Variants in STAG1 observed in about 807,000 individuals in gnomAD.
The protein encoded by STAG1 is cohesin subunit SA-1.
In STAG1, 26 loss-of-function variants were observed where a neutral mutation model predicts 170.9. The ratio of observed to expected loss-of-function variants is 0.15; its 90% confidence interval spans 0.11 to 0.21. The LOEUF (loss-of-function observed/expected upper bound fraction) is 0.21, where lower values mean the gene tolerates loss of function less well. Ranked by LOEUF, STAG1 falls within the 10% of genes least tolerant of loss-of-function variation. The pLI is 1.00. For synonymous variants in STAG1, 514 were observed against 497.7 expected (o/e 1.03, Z -0.44); for missense variants, 964 against 1,509.5 (o/e 0.64, Z 5.99).
chr3:136,343,948 G>C lies in STAG1; in HGVS notation c.3330C>G (p.Gly1110=). Residue 1110 remains glycine, a synonymous_variant, in exon 30 of 34, where the codon GGC becomes GGG. Transcript: ENST00000383202. ...ATGTGAGTTGTGGTGCTGGCAGGGG[G>C]CCAGGAGTCTGAATCATGGTGTCAG... The part of the protein sequence containing the change: ...NRTDTMIQTP[G]PLPAPQLTST... 1 of 1,612,128 alleles carries C rather than the reference G, an allele frequency of 6.2e-7. No homozygotes were observed. Among genetic ancestry groups the C allele is most frequent in the Non-Finnish European group, 8.5e-7 (1 of 1,179,110 alleles).
chr3:136,700,011 C>T (rs1213297726), intron 1 of STAG1, among the ~76,000 whole-genome samples: 2 of 151,910 alleles, frequency 1.3e-5, no homozygotes, highest in African/African-American at 4.8e-5. Flanking sequence ...ATTCACAGCC[C>T]TCTGTTCTTC....
intron 7 of STAG1, among the ~76,000 whole-genome samples, chr3:136,516,019 AT>A (rs1405902867): frequency 6.6e-6 from 1 of 152,194 alleles, no homozygotes; most frequent in African/African-American, 2.4e-5. Context: ...ATTTTGAAAA[AT>A]GAATATAAAA....
At chr3:136,736,321 G>C (rs1383345631) in intron 1 of STAG1, among the ~76,000 whole-genome samples, 2 of 152,064 alleles carry the variant, frequency 1.3e-5, no homozygotes, top group Non-Finnish European at 2.9e-5. Context: ...ACCAAGCCCC[G>C]CATTTCAATG....
chr3:136,576,574 A>G (rs1490528010), intron 4 of STAG1, among the ~76,000 whole-genome samples: 1 of 152,232 alleles, frequency 6.6e-6, no homozygotes, highest in Admixed American at 6.5e-5. Context: ...CATAAGGAAT[A>G]TGAGGTAGTT....
intron 6 of STAG1, among the ~76,000 whole-genome samples, chr3:136,537,481 CTTTT>C (rs1193167426): frequency 2.1e-5 from 3 of 146,082 alleles, no homozygotes; most frequent in Non-Finnish European, 3.0e-5. Context: ...CTAATAGTGT[CTTTT>C]TTTTGTTTAT....
At chr3:136,528,334 G>A (rs1207316108) in intron 6 of STAG1, among the ~76,000 whole-genome samples, 3 of 152,068 alleles carry the variant, frequency 2.0e-5, no homozygotes, top group African/African-American at 7.2e-5. Context: ...ATCTACTGCT[G>A]TGCTAGCAGT....
intron 1 of STAG1, among the ~76,000 whole-genome samples, chr3:136,659,614 A>G (rs572764947): frequency 3.9e-5 from 6 of 152,376 alleles, no homozygotes; most frequent in Admixed American, 6.5e-5. Context: ...TTAAAGGGCA[A>G]CTACTTCGTA....
Position 136,521,288 on chromosome 3 carries a change from C to T in STAG1, c.601G>A (p.Asp201Asn). The T allele has an allele frequency of 3.7e-6, 6 of 1,613,746 alleles. No individual in the cohort carries two copies. Among genetic ancestry groups the T allele is most frequent in the Non-Finnish European group, 5.1e-6 (6 of 1,179,798 alleles). The change falls in exon 7 of 34, where the codon GAC becomes AAC. Residue 201 changes from aspartate to asparagine, a missense_variant. Around this residue, in one of 11 missense-constraint regions of STAG1, gnomAD observed 40 missense variants for 44.1 expected, o/e 0.91. Coordinates refer to ENST00000383202, the MANE Select transcript of STAG1 (RefSeq NM_005862.3). ...YSIIYDEYMMDTVISLLTGLS... is the reference protein window; with the variant it reads ...YSIIYDEYMMNTVISLLTGLS... ...CCCGTCAAAAGGGAGATTACTGTGTCCATCATATACTCATCATAAATTATG... is the reference window on the plus strand; with the variant it reads ...CCCGTCAAAAGGGAGATTACTGTGTTCATCATATACTCATCATAAATTATG...
chr3:136,438,204 T>C (rs1305858599), intron 15 of STAG1, among the ~76,000 whole-genome samples: 1 of 151,968 alleles, frequency 6.6e-6, no homozygotes, highest in African/African-American at 2.4e-5. Context: ...TTTATGACAA[T>C]TTCCATATCT....
intron 4 of STAG1, among the ~76,000 whole-genome samples, chr3:136,590,184 T>C (rs1938085367): frequency 2.0e-5 from 3 of 151,170 alleles, no homozygotes; most frequent in Admixed American, 2.0e-4. Context: ...AAACACTTCA[T>C]GACTAAAAAC....
intron 6 of STAG1, among the ~76,000 whole-genome samples, chr3:136,540,122 G>A (rs1018413537): frequency 6.6e-6 from 1 of 151,926 alleles, no homozygotes; most frequent in Non-Finnish European, 1.5e-5. Flanking sequence ...AGAAAAAAAT[G>A]TAATAAACTT....
At chr3:136,422,311 CTCAATT>C in intron 19 of STAG1, 93 bp downstream of exon 19, 1 of 1,146,234 alleles carries the variant, frequency 8.7e-7, no homozygotes, top group Middle Eastern at 2.3e-4. Flanking sequence ...GACAATTCTA[CTCAATT>C]TCATTTTAAA....
At chr3:136,727,330 G>A (rs1255342664) in intron 1 of STAG1, among the ~76,000 whole-genome samples, 1 of 152,138 alleles carries the variant, frequency 6.6e-6, no homozygotes, top group East Asian at 1.9e-4. Flanking sequence ...AAGTGAAGGG[G>A]AGGGGAGGAG....
At chr3:136,636,234 A>C (rs1456071104) in intron 1 of STAG1, among the ~76,000 whole-genome samples, 2 of 152,106 alleles carry the variant, frequency 1.3e-5, no homozygotes, top group East Asian at 3.8e-4. Flanking sequence ...GGCACCAAGA[A>C]AGAAACTCTG....
At chr3:136,511,756 T>G (rs141823852) in intron 7 of STAG1, among the ~76,000 whole-genome samples, 2 of 152,234 alleles carry the variant, frequency 1.3e-5, no homozygotes, top group East Asian at 3.9e-4. Context: ...TGACATAAGC[T>G]TTCCTATATA....
At chr3:136,583,743 C>T (rs138597694) in intron 4 of STAG1, among the ~76,000 whole-genome samples, 43 of 152,234 alleles carry the variant, frequency 2.8e-4, no homozygotes, top group Middle Eastern at 3.4e-3. Flanking sequence ...GAGCCAAGAT[C>T]GTGCCATGGC....
chr3:136,444,628 A>C (rs527545193), intron 14 of STAG1, among the ~76,000 whole-genome samples: 1 of 152,360 alleles, frequency 6.6e-6, no homozygotes, highest in South Asian at 2.1e-4. Flanking sequence ...GCACAGTAGA[A>C]AGAGTGCATA....
intron 5 of STAG1, among the ~76,000 whole-genome samples, chr3:136,567,637 C>T (rs1328058084): frequency 2.0e-5 from 3 of 152,228 alleles, no homozygotes; most frequent in Non-Finnish European, 4.4e-5. Context: ...TGGGGACACA[C>T]ACTCCAGGTG....
At chr3:136,649,552 T>G (rs1941146519) in intron 1 of STAG1, among the ~76,000 whole-genome samples, 1 of 148,876 alleles carries the variant, frequency 6.7e-6, no homozygotes, top group Non-Finnish European at 1.5e-5. Context: ...TAATAAATAT[T>G]TCAATAGGGC....
Sources: gnomAD v4.1 joint callset for allele counts (sites outside exome capture counted in the v4.1 genomes callset) on GRCh38, gnomAD v4.1.1 for gene constraint, gnomAD v4.1.1 regional missense constraint, MANE v1.5 for transcripts, NCBI Gene and HGNC (gene_info 2026-07-23, HGNC 2026-07-21) for gene names.